Variants in LAMA1 observed in about 807,000 individuals in gnomAD.
The protein encoded by LAMA1 is laminin subunit alpha 1.
A neutral mutation model predicts 348.7 loss-of-function variants in LAMA1; 219 were observed. That is an observed-to-expected ratio of 0.63 (90% CI 0.56 to 0.70). The LOEUF (loss-of-function observed/expected upper bound fraction) is 0.70, where lower values mean the gene tolerates loss of function less well. LAMA1 is among the 30% of genes least tolerant of loss of function. LAMA1 has a pLI of 0.00. For synonymous variants in LAMA1, 1,487 were observed against 1,491.0 expected, an observed-to-expected ratio of 1.00 and a Z score of 0.06; for missense variants, 3,744 against 3,888.0, an observed-to-expected ratio of 0.96 and a Z score of 0.99.
At chr18:7,112,088 A>G (rs2058338017) in intron 1 of LAMA1, among the ~76,000 whole-genome samples, 1 of 152,206 alleles carries the variant, frequency 6.6e-6, no homozygotes, top group Non-Finnish European at 1.5e-5. Flanking sequence ...AAAATTCTCT[A>G]TGGCTTAAAA....
intron 43 of LAMA1, 54 bp from the exon 44 acceptor site, chr18:6,977,935 C>T: frequency 7.6e-6 from 12 of 1,579,166 alleles, no homozygotes; most frequent in African/African-American, 1.3e-5. Context: ...GAGGGAAAAA[C>T]AAGATAATTA....
chr18:6,991,309 T>TA (rs67148605), intron 36 of LAMA1, among the ~76,000 whole-genome samples: 4,740 of 147,342 alleles, frequency 0.032, 259 homozygotes, highest in African/African-American at 0.11. Context: ...TTAAAAAATA[T>TA]AAAAAAAAAA....
intron 19 of LAMA1, among the ~76,000 whole-genome samples, chr18:7,022,119 T>C (rs778780807): frequency 7.8e-4 from 119 of 152,004 alleles, no homozygotes; most frequent in Non-Finnish European, 1.5e-3. Flanking sequence ...CACAGGTATG[T>C]TTTCCCCCCA....
In LAMA1 at chr18:6,959,458, A is replaced by G. The variant is rs765304713; in HGVS notation, c.7661T>C (p.Ile2554Thr). ...FFSVMLIGGN[I>T]EVHVNPGDGT... ...ATCCCCAGGATTGACATGTACCTCAATGTTGCCTCCGATCAGCATGACGGA... is the reference window on the plus strand; with the variant it reads ...ATCCCCAGGATTGACATGTACCTCAGTGTTGCCTCCGATCAGCATGACGGA... Residue 2554 changes from isoleucine to threonine, a missense_variant, in exon 54 of 63, where the codon ATT becomes ACT. Around this residue, in one of 3 missense-constraint regions of LAMA1, gnomAD observed 1,983 missense variants for 1,934.3 expected, o/e 1.03. Transcript: ENST00000389658. 4.3e-6 allele frequency: 7 copies of G among 1,614,070 alleles called. No individual in the cohort carries two copies. In the East Asian group the frequency reaches 8.9e-5, roughly 21 times the overall value.
At chr18:7,117,492 C>G (rs922311328) in intron 1 of LAMA1, among the ~76,000 whole-genome samples, 168 bp downstream of exon 1, 2 of 152,122 alleles carry the variant, frequency 1.3e-5, no homozygotes, top group African/African-American at 4.8e-5. Flanking sequence ...CCCCATCCAG[C>G]CCTCCCCGGC....
intron 58 of LAMA1, 58 bp downstream of exon 58, chr18:6,950,724 C>G: frequency 1.3e-6 from 2 of 1,583,470 alleles, no homozygotes; most frequent in Non-Finnish European, 1.7e-6. Flanking sequence ...GGAGTGAACC[C>G]GAGTGATAGA....
chr18:7,090,701 A>G (rs78788014), intron 1 of LAMA1, among the ~76,000 whole-genome samples: 28 of 151,628 alleles, frequency 1.8e-4, no homozygotes, highest in African/African-American at 6.1e-4. Context: ...GAGAGAGAGA[A>G]AAAGAGAGAG....
At chr18:7,036,498 T>C (rs890720688) in intron 12 of LAMA1, among the ~76,000 whole-genome samples, 5 of 152,232 alleles carry the variant, frequency 3.3e-5, no homozygotes, top group Non-Finnish European at 7.3e-5. Flanking sequence ...ATGTCTGATT[T>C]GCTAGTTAGA....
At chr18:7,097,130 C>A (rs945584132) in intron 1 of LAMA1, among the ~76,000 whole-genome samples, 5 of 152,074 alleles carry the variant, frequency 3.3e-5, no homozygotes, top group Non-Finnish European at 5.9e-5. Context: ...GTTTTAGTCC[C>A]AGTAGGGTGC....
intron 16 of LAMA1, among the ~76,000 whole-genome samples, chr18:7,028,345 A>G (rs1171791709): frequency 6.6e-6 from 1 of 152,224 alleles, no homozygotes; most frequent in East Asian, 1.9e-4. Context: ...AGGCACAGTC[A>G]AAGTGTTCAA....
In LAMA1 at chr18:6,942,051, G is replaced by T; in HGVS notation, c.*28C>A. The T allele has an allele frequency of 6.2e-7, 1 of 1,613,102 alleles. No individual in the cohort carries two copies. The highest frequency in any genetic ancestry group is 8.5e-7 in the Non-Finnish European group (1 of 1,179,262). On this transcript the variant is annotated 3_prime_UTR_variant, in exon 63 of 63. Transcript: ENST00000389658. ...CACTTCTCCTCAAAATATTAGCAAT[G>T]ATTCCAACTGAGGATTCTGCTTGAA... is the stretch of plus-strand genomic sequence containing the variant.
intron 48 of LAMA1, 43 bp downstream of exon 48, chr18:6,971,814 A>G: frequency 6.2e-7 from 1 of 1,613,192 alleles, no homozygotes; most frequent in Non-Finnish European, 8.5e-7. Flanking sequence ...CTCAGATGTT[A>G]ACAGAATAAC....
chr18:6,995,471 T>A (rs371079269), intron 33 of LAMA1, 25 bp from the exon 34 acceptor site: 1 of 1,207,168 alleles, frequency 8.3e-7, no homozygotes, highest in African/African-American at 1.5e-5. Context: ...GGAAACAAAT[T>A]ACAATGCTTC....
chr18:6,976,031 G>A lies in LAMA1; in HGVS notation c.6395C>T (p.Pro2132Leu), dbSNP rs200348443. The A allele has an allele frequency of 6.2e-6, 10 of 1,614,170 alleles. No homozygotes were observed. The Middle Eastern group carries it at 4.9e-4, about 80-fold the overall frequency. The change falls in exon 45 of 63, where the codon CCT becomes CTT. Residue 2132 changes from proline to leucine, a missense_variant. Transcript: ENST00000389658. ...ADRDCIRAYQ[P>L]QISSTNYNTL... ...ATTGTAGTTGGTAGAGGAAATCTGA[G>A]GCTGGTAGGCCCGGATGCAATCTCT...
intron 48 of LAMA1, among the ~76,000 whole-genome samples, chr18:6,970,650 GT>G (rs1324162391): frequency 6.6e-6 from 1 of 150,800 alleles, no homozygotes; most frequent in Non-Finnish European, 1.5e-5. Flanking sequence ...TTGAGATGGA[GT>G]TTCGCTCTGT....
chr18:6,956,250 T>A, intron 56 of LAMA1: 1 of 347,894 alleles, frequency 2.9e-6, no homozygotes, highest in Non-Finnish European at 5.6e-6. Flanking sequence ...TGGCTTTTCC[T>A]AATGAATTGA....
At chr18:6,955,840 G>A in intron 56 of LAMA1, 2 of 362,230 alleles carry the variant, frequency 5.5e-6, no homozygotes, top group Non-Finnish European at 1.1e-5. Context: ...GCCGAGACGA[G>A]CTGCGGACCA....
chr18:7,079,693 T>G (rs1261921921), intron 3 of LAMA1: 12 of 461,328 alleles, frequency 2.6e-5, no homozygotes, highest in African/African-American at 5.9e-5. Context: ...CAGCCTGACA[T>G]GATACCCTGG....
chr18:7,033,103 T>TA lies in LAMA1; in HGVS notation c.2052-9dup. ...AGAGAGACGGACTCCAACCTACAAA[T>TA]AGACAGATTGTTATGTGACTCACAC... On this transcript the variant is annotated splice_polypyrimidine_tract_variant and intron_variant, in intron 14 of 62. Coordinates refer to ENST00000389658, the MANE Select transcript of LAMA1 (RefSeq NM_005559.4). 6.3e-7 allele frequency: 1 copy of TA among 1,579,990 alleles called. No homozygotes were observed. Among genetic ancestry groups the TA allele is most frequent in the Non-Finnish European group, 8.7e-7 (1 of 1,152,842 alleles).
Sources: allele counts gnomAD v4.1 joint callset (sites outside exome capture counted in the v4.1 genomes callset), GRCh38; gene constraint gnomAD v4.1.1; regional missense constraint gnomAD v4.1.1; transcripts MANE v1.5; gene names NCBI Gene and HGNC (gene_info 2026-07-23, HGNC 2026-07-21).